The following TACR1 variants were observed in gnomAD, a reference collection of about 807,000 sequenced individuals.
The protein encoded by TACR1 is tachykinin receptor 1, also known as substance-P receptor.
Under a neutral mutation model 35.8 loss-of-function variants are expected in TACR1, and 25 were observed. The observed-to-expected ratio is 0.70, with a 90% confidence interval of 0.51 to 0.98. The LOEUF (loss-of-function observed/expected upper bound fraction) is 0.98. Among genes scored for constraint, TACR1 ranks in the 50% least tolerant of loss-of-function variants. The pLI, the probability that TACR1 is intolerant of heterozygous loss-of-function variation, is 0.00. For missense variants in TACR1, 478 were observed against 522.9 expected, an observed-to-expected ratio of 0.91 and a Z score of 0.84; for synonymous variants, 195 against 206.7, an observed-to-expected ratio of 0.94 and a Z score of 0.48.
At chr2:75,161,920 G>A (rs764093839) in intron 1 of TACR1, among the ~76,000 whole-genome samples, 2 of 151,856 alleles carry the variant, frequency 1.3e-5, no homozygotes, top group Non-Finnish European at 2.9e-5. Context: ...AGAAACAGAT[G>A]GGCAATATTG....
At chr2:75,094,859 A>ATATATATATATTTTTTTTTTTTTTTT in intron 2 of TACR1, among the ~76,000 whole-genome samples, 2 of 113,104 alleles carry the variant, frequency 1.8e-5, no homozygotes, top group African/African-American at 9.6e-5. Context: ...ATATATATAT[A>ATATATATATATTTTTTTTTTTTTTTT]TTTTTTTTTT....
intron 2 of TACR1, among the ~76,000 whole-genome samples, chr2:75,114,608 G>C (rs1186130460): frequency 6.6e-6 from 1 of 152,110 alleles, no homozygotes; most frequent in Non-Finnish European, 1.5e-5. Flanking sequence ...AAAAGGAAAG[G>C]GTCAGTGCAT....
intron 1 of TACR1, among the ~76,000 whole-genome samples, chr2:75,130,750 C>T (rs1674162052): frequency 6.6e-6 from 1 of 151,882 alleles, no homozygotes; most frequent in Non-Finnish European, 1.5e-5. Context: ...CACACATCTG[C>T]TGAAGCAGCA....
chr2:75,070,077 T>A (rs28704743), intron 2 of TACR1, among the ~76,000 whole-genome samples: 38,829 of 151,606 alleles, frequency 0.26, 6,580 homozygotes, highest in African/African-American at 0.46. Flanking sequence ...TATTCATTCA[T>A]TCCTTTATAT....
In TACR1 at chr2:75,160,054, G is replaced by T. The variant is rs1347336777; in HGVS notation, c.389+38492C>A. ...AAGACTTTAAGACAGCAAAAGATGG[G>T]CTGGAAAGTAAGAATATCAAACAAC... On this transcript the variant is annotated intron_variant, in intron 1 of 4. Coordinates refer to ENST00000305249, the MANE Select transcript of TACR1 (RefSeq NM_001058.4). 2.6e-5 allele frequency among the ~76,000 whole-genome samples: 4 copies of T among 152,212 alleles called. No homozygotes were observed. In the East Asian group the frequency reaches 5.8e-4, roughly 22 times the overall value.
At chr2:75,067,859 C>T (rs1178953286) in intron 2 of TACR1, among the ~76,000 whole-genome samples, 1 of 152,122 alleles carries the variant, frequency 6.6e-6, no homozygotes, top group Non-Finnish European at 1.5e-5. Flanking sequence ...GCCACAGCCT[C>T]TAGGGTCCTT....
At chr2:75,149,479 G>T (rs1435315842) in intron 1 of TACR1, among the ~76,000 whole-genome samples, 2 of 151,984 alleles carry the variant, frequency 1.3e-5, no homozygotes, top group Admixed American at 1.3e-4. Flanking sequence ...CTATTCCTGG[G>T]TATTTGATTC....
At chr2:75,126,317 A>G (rs2103920277) in intron 1 of TACR1, among the ~76,000 whole-genome samples, 1 of 152,274 alleles carries the variant, frequency 6.6e-6, no homozygotes, top group South Asian at 2.1e-4. Context: ...ACATTTAAAA[A>G]TCCCATCTGT....
At chr2:75,154,401 A>AGCGTGCGC (rs1553380902) in intron 1 of TACR1, 1 of 76,444 alleles carries the variant, frequency 1.3e-5, no homozygotes, top group Non-Finnish European at 2.7e-5. Flanking sequence ...ATCAGCCAAG[A>AGCGTGCGC]GCGCGCACGC....
At chr2:75,131,560 T>TA (rs1044424237) in intron 1 of TACR1, among the ~76,000 whole-genome samples, 3 of 152,214 alleles carry the variant, frequency 2.0e-5, no homozygotes, top group African/African-American at 7.2e-5. Flanking sequence ...ATGCACTTAC[T>TA]AAATTAAGAA....
At chr2:75,065,181 A>C (rs527661029) in intron 2 of TACR1, among the ~76,000 whole-genome samples, 9 of 152,362 alleles carry the variant, frequency 5.9e-5, no homozygotes, top group South Asian at 2.1e-4. Context: ...TAGGCATTTC[A>C]GTAACCTAGC....
At chr2:75,083,405 G>A (rs1242224473) in intron 2 of TACR1, among the ~76,000 whole-genome samples, 2 of 152,330 alleles carry the variant, frequency 1.3e-5, no homozygotes, top group East Asian at 3.9e-4. Flanking sequence ...ACTTGGCAAT[G>A]TGGGCTCTTT....
chr2:75,113,532 CTT>C (rs11437762), intron 2 of TACR1, among the ~76,000 whole-genome samples: 14 of 92,084 alleles, frequency 1.5e-4, no homozygotes, highest in African/African-American at 4.9e-4. Flanking sequence ...TTTCTTCTTC[CTT>C]TTTTTTTTTT....
chr2:75,078,306 A>G (rs1018244622), intron 2 of TACR1, among the ~76,000 whole-genome samples: 2 of 151,224 alleles, frequency 1.3e-5, no homozygotes, highest in African/African-American at 2.4e-5. Flanking sequence ...AAGTTGCATG[A>G]CCTTGAGTGA....
Position 75,127,367 on chromosome 2 carries a change from A to G in TACR1, c.390-6599T>C, listed in dbSNP as rs1051409467. 8.5e-5 allele frequency among the ~76,000 whole-genome samples: 13 copies of G among 152,336 alleles called. 1 individual carries two copies. Among genetic ancestry groups the G allele is most frequent in the Admixed American group, 6.5e-4 (10 of 15,302 alleles). On this transcript the variant is annotated intron_variant, in intron 1 of 4. Coordinates refer to ENST00000305249, the MANE Select transcript of TACR1 (RefSeq NM_001058.4). ...GTTCACACACCACTAAATCATTTTT[A>G]TTATTAATTAATTATTGTTTATTAA... is the stretch of plus-strand genomic sequence containing the variant.
chr2:75,131,607 A>T (rs1053075512), intron 1 of TACR1, among the ~76,000 whole-genome samples: 1 of 152,216 alleles, frequency 6.6e-6, no homozygotes, highest in Non-Finnish European at 1.5e-5. Context: ...ATAGGTTGTG[A>T]TACACATAAT....
In TACR1 at chr2:75,195,781, G is replaced by A. The variant is rs563351213; in HGVS notation, c.389+2765C>T. On this transcript the variant is annotated intron_variant, in intron 1 of 4. Coordinates refer to ENST00000305249, the MANE Select transcript of TACR1 (RefSeq NM_001058.4). ...TACACAACAGTAGAGAAATGACTACGTAAATAATAATAGCATATTCACATA... is the reference window on the plus strand; with the variant it reads ...TACACAACAGTAGAGAAATGACTACATAAATAATAATAGCATATTCACATA... Among the ~76,000 whole-genome samples, 140 of 152,158 alleles carry A rather than the reference G, an allele frequency of 9.2e-4. 1 individual carries two copies. The highest frequency in any genetic ancestry group is 1.3e-3 in the Non-Finnish European group (86 of 67,996).
chr2:75,108,175 A>G (rs1673687229), intron 2 of TACR1, among the ~76,000 whole-genome samples: 2 of 152,048 alleles, frequency 1.3e-5, no homozygotes. Flanking sequence ...ACAGTTTTTA[A>G]AAGCATCCCT....
chr2:75,051,592 A>C, intron 3 of TACR1, 145 bp from the exon 4 acceptor site: 1 of 1,473,358 alleles, frequency 6.8e-7, no homozygotes, highest in Non-Finnish European at 9.0e-7. Context: ...AGGAGAAAGG[A>C]TCTTTACTAT....
Sources: allele counts gnomAD v4.1 joint callset (sites outside exome capture counted in the v4.1 genomes callset), GRCh38; gene constraint gnomAD v4.1.1; transcripts MANE v1.5; gene names NCBI Gene and HGNC (gene_info 2026-07-23, HGNC 2026-07-21).